The following ACYP1 variants were observed in gnomAD, a reference collection of about 807,000 sequenced individuals.
ACYP1 encodes the protein acylphosphatase 1.
Under a neutral mutation model 10.4 loss-of-function variants are expected in ACYP1, and 8 were observed. That is an observed-to-expected ratio of 0.77 (90% CI 0.45 to 1.38). The LOEUF is 1.38. Among genes scored for constraint, ACYP1 ranks in the 40% most tolerant of loss-of-function variants. The pLI, the probability that ACYP1 is intolerant of heterozygous loss-of-function variation, is 0.00. For missense variants in ACYP1, 93 were observed against 117.3 expected, an observed-to-expected ratio of 0.79 and a Z score of 0.96; for synonymous variants, 38 against 40.8, an observed-to-expected ratio of 0.93 and a Z score of 0.26.
rs753980411 is a variant in ACYP1, at chr14:75,053,662, A to G, written c.85-3T>C. ...AATCCCAGCTTTTTACCCTCAGCCT[A>G]AGGGGGGTAAAAAGAGAGAGAGATC... On this transcript the variant is annotated splice_region_variant and splice_polypyrimidine_tract_variant and intron_variant, in intron 2 of 2. Coordinates refer to ENST00000238618, the MANE Select transcript of ACYP1 (RefSeq NM_001107.5). The G allele has an allele frequency of 6.2e-6, 10 of 1,613,110 alleles. No individual in the cohort carries two copies. Among genetic ancestry groups the G allele is most frequent in the Non-Finnish European group, 8.5e-6 (10 of 1,179,156 alleles).
intron 2 of ACYP1, among the ~76,000 whole-genome samples, chr14:75,055,456 A>G (rs750913160): frequency 6.0e-5 from 9 of 151,258 alleles, no homozygotes; most frequent in Non-Finnish European, 1.3e-4. Context: ...GGCGTTTCCT[A>G]CTGGTTTCAT....
At chr14:75,059,102 T>G (rs1234208836) in intron 2 of ACYP1, among the ~76,000 whole-genome samples, 2 of 149,924 alleles carry the variant, frequency 1.3e-5, no homozygotes, top group African/African-American at 4.9e-5. Context: ...GGAGAATCGC[T>G]TGAACCCTGG....
chr14:75,063,780 C>G (rs1893089443), intron 1 of ACYP1, among the ~76,000 whole-genome samples, 174 bp downstream of exon 1: 1 of 152,156 alleles, frequency 6.6e-6, no homozygotes, highest in South Asian at 2.1e-4. Flanking sequence ...CAGCTGCCCG[C>G]TGAAGCCTCT....
intron 2 of ACYP1, among the ~76,000 whole-genome samples, chr14:75,054,704 T>A (rs1892831962): frequency 6.6e-6 from 1 of 151,550 alleles, no homozygotes; most frequent in South Asian, 2.1e-4. Context: ...ATCAAAGACA[T>A]GTTCAAAGCA....
chr14:75,055,232 G>A lies in ACYP1; in HGVS notation c.85-1573C>T, dbSNP rs139099209. Among the ~76,000 whole-genome samples, 975 of 150,850 alleles carry A rather than the reference G, an allele frequency of 6.5e-3. 16 individuals are homozygous for A. Among genetic ancestry groups the A allele is most frequent in the Non-Finnish European group, 0.011 (765 of 67,860 alleles). ...CTCCCCAGTAGCTGGGACCACAGGC[G>A]CCCGCAACCACTCCCGGCTAATTTT... On this transcript the variant is annotated intron_variant, in intron 2 of 2. Transcript: ENST00000238618.
chr14:75,069,126 A>T (rs1053998605), intron 1 of ACYP1: 2 of 1,315,268 alleles, frequency 1.5e-6, no homozygotes, highest in African/African-American at 3.1e-5. Context: ...ACTACCACGG[A>T]AAGATACTGC....
intron 2 of ACYP1, 59 bp downstream of exon 2, chr14:75,063,411 G>T: frequency 1.4e-6 from 2 of 1,413,464 alleles, no homozygotes; most frequent in Non-Finnish European, 2.0e-6. Flanking sequence ...TCAAGAACAC[G>T]TCCCTTGTTC....
intron 2 of ACYP1, among the ~76,000 whole-genome samples, chr14:75,055,247 C>T (rs1277539507): frequency 2.7e-5 from 4 of 150,902 alleles, no homozygotes; most frequent in African/African-American, 7.4e-5. Context: ...CAACCACTCC[C>T]GGCTAATTTT....
intron 2 of ACYP1, among the ~76,000 whole-genome samples, chr14:75,061,434 T>C (rs1211793168): frequency 3.9e-5 from 6 of 152,220 alleles, no homozygotes; most frequent in East Asian, 1.9e-4. Flanking sequence ...AATGAACATA[T>C]ATATTTAAAT....
At chr14:75,061,775 C>A in intron 2 of ACYP1, 2 of 1,556,196 alleles carry the variant, frequency 1.3e-6, no homozygotes, top group South Asian at 2.3e-5. Flanking sequence ...ATTTGAGTGT[C>A]AGATGGGAAG....
chr14:75,060,305 C>T lies in ACYP1; in HGVS notation c.84+3165G>A, dbSNP rs1309244312. The T allele has an allele frequency of 4.6e-6, 3 of 653,796 alleles. No individual in the cohort carries two copies. In the East Asian group the frequency reaches 8.5e-5, roughly 18 times the overall value. The allele number at this position is 653,796 out of a possible 1,614,324, so 40.5% of individuals were successfully genotyped here. On this transcript the variant is annotated intron_variant, in intron 2 of 2. Coordinates refer to ENST00000238618, the MANE Select transcript of ACYP1 (RefSeq NM_001107.5). ...ACCACAATGAAATATTACCTCATAC[C>T]CACTAGGATGGCTAACATAAAAGAC... is the stretch of plus-strand genomic sequence containing the variant.
rs75948138 is a variant in ACYP1 at position 75,063,338 on chromosome 14, C to T, written c.84+132G>A. 44 of 697,558 alleles carry T rather than the reference C, an allele frequency of 6.3e-5. No homozygotes were observed. The East Asian group carries it at 9.8e-4, about 16-fold the overall frequency. 43.2% of individuals were successfully genotyped at this position (697,558 alleles called of 1,614,324 possible). ...TTGCACAGCATTTTCATACTCATTGCTCTACAAACTACCTCTTTGCCATGC... is the reference window on the plus strand; with the variant it reads ...TTGCACAGCATTTTCATACTCATTGTTCTACAAACTACCTCTTTGCCATGC... On this transcript the variant is annotated intron_variant, in intron 2 of 2. Transcript: ENST00000238618.
At chr14:75,057,777 G>C (rs1892911388) in intron 2 of ACYP1, among the ~76,000 whole-genome samples, 1 of 150,196 alleles carries the variant, frequency 6.7e-6, no homozygotes, top group Admixed American at 6.6e-5. Context: ...GATCAGCCTG[G>C]CCAAGACGGT....
upstream of ACYP1, among the ~76,000 whole-genome samples, chr14:75,065,827 T>C (rs1053643144): frequency 1.3e-5 from 2 of 152,234 alleles, no homozygotes; most frequent in Non-Finnish European, 2.9e-5. Flanking sequence ...AAACAGCATT[T>C]AATCCAAGGT....
chr14:75,058,110 C>T (rs1892927452), intron 2 of ACYP1, among the ~76,000 whole-genome samples: 1 of 150,762 alleles, frequency 6.6e-6, no homozygotes, highest in Admixed American at 6.6e-5. Context: ...GCTGTTTCCA[C>T]TGTGAGGCAG....
At chr14:75,065,131 T>G (rs941711393), upstream of ACYP1, among the ~76,000 whole-genome samples, 5 of 152,232 alleles carry the variant, frequency 3.3e-5, no homozygotes, top group Non-Finnish European at 4.4e-5. Flanking sequence ...ATGAAGATGG[T>G]TAAAATTAGA....
chr14:75,053,696 T>C (rs758736015), intron 2 of ACYP1, 37 bp from the exon 3 acceptor site: 3 of 1,590,358 alleles, frequency 1.9e-6, no homozygotes, highest in South Asian at 1.1e-5. Flanking sequence ...TCCAGTGAGA[T>C]TGAAGAAAAC....
chr14:75,063,572 C>G lies in ACYP1; in HGVS notation c.-8-11G>C. On this transcript the variant is annotated splice_polypyrimidine_tract_variant and intron_variant, in intron 1 of 2. Coordinates refer to ENST00000238618, the MANE Select transcript of ACYP1 (RefSeq NM_001107.5). ...CTGCCATGCTCAAACCTGTCAGAAA[C>G]CAGGAAAGCAGAAGAGTGAAGGGCT... is the stretch of plus-strand genomic sequence containing the variant. 6.2e-7 allele frequency: 1 copy of G among 1,610,428 alleles called. No individual in the cohort carries two copies. Among genetic ancestry groups the G allele is most frequent in the East Asian group, 2.2e-5 (1 of 44,872 alleles).
At chr14:75,062,951 A>C (rs1893065372) in intron 2 of ACYP1, 1 of 154,344 alleles carries the variant, frequency 6.5e-6, no homozygotes, top group Admixed American at 6.4e-5. Flanking sequence ...TTTAATAAGA[A>C]AAACGTCAGC....
Sources: allele counts gnomAD v4.1 joint callset (sites outside exome capture counted in the v4.1 genomes callset), GRCh38; gene constraint gnomAD v4.1.1; transcripts MANE v1.5; gene names NCBI Gene and HGNC (gene_info 2026-07-23, HGNC 2026-07-21).